Variants in B4GALT4 observed in about 807,000 individuals in gnomAD.
The protein encoded by B4GALT4 is N-acetyllactosamine synthase.
A neutral mutation model predicts 37.3 loss-of-function variants in B4GALT4; 27 were observed. The observed-to-expected ratio is 0.72, with a 90% CI of 0.53 to 1.00. B4GALT4 has a LOEUF of 1.00. Among genes scored for constraint, B4GALT4 ranks in the 50% least tolerant of loss-of-function variants. The pLI is 0.00. For synonymous variants in B4GALT4, 148 were observed against 154.1 expected (o/e 0.96, Z 0.29); for missense variants, 372 against 413.1 (o/e 0.90, Z 0.86).
rs781671415 is a variant in B4GALT4, at chr3:119,230,088, G to A, written c.12C>T (p.Asn4=). 4 of 1,614,038 alleles carry A rather than the reference G, an allele frequency of 2.5e-6. No homozygotes were observed. Among genetic ancestry groups the A allele is most frequent in the Admixed American group, 1.7e-5 (1 of 60,018 alleles). The part of the protein sequence containing the change: MGF[N]LTFHLSYKFR... The stretch of plus-strand genomic sequence containing the variant: ...ATTTGTAGGAAAGGTGGAAAGTCAG[G>A]TTGAAGCCCATGTTTTTTATTACGT... The change falls in exon 3 of 8, where the codon AAC becomes AAT. Residue 4 remains asparagine, a synonymous_variant. Transcript: ENST00000393765.
intron 2 of B4GALT4, chr3:119,232,943 G>T (rs1354088864): frequency 2.0e-5 from 3 of 152,208 alleles, no homozygotes; most frequent in Non-Finnish European, 2.9e-5. Flanking sequence ...AAGCAGCTGG[G>T]ATTACAGGCG....
intron 3 of B4GALT4, among the ~76,000 whole-genome samples, chr3:119,227,950 G>A (rs16829569): frequency 0.061 from 9,328 of 152,206 alleles, 421 homozygotes; most frequent in Admixed American, 0.15. Context: ...CAGCAGGCAA[G>A]GTAAGTAACT....
intron 4 of B4GALT4, among the ~76,000 whole-genome samples, chr3:119,225,905 G>A (rs1420079204): frequency 6.6e-6 from 1 of 151,926 alleles, no homozygotes; most frequent in Admixed American, 6.6e-5. Context: ...TGCTATATAA[G>A]CACACTGATT....
intron 4 of B4GALT4, among the ~76,000 whole-genome samples, chr3:119,225,783 A>C (rs1214209233): frequency 1.3e-5 from 2 of 152,186 alleles, no homozygotes; most frequent in African/African-American, 4.8e-5. Flanking sequence ...CTGAGCAAGA[A>C]CTCAGAATCA....
chr3:119,236,415 T>C (rs1422856838), intron 2 of B4GALT4, among the ~76,000 whole-genome samples: 1 of 152,184 alleles, frequency 6.6e-6, no homozygotes, highest in African/African-American at 2.4e-5. Flanking sequence ...AAGGGGTTAA[T>C]ATTAGGGGAA....
intron 5 of B4GALT4, 124 bp from the exon 6 acceptor site, chr3:119,218,896 T>C: frequency 8.7e-7 from 1 of 1,146,172 alleles, no homozygotes. Flanking sequence ...CTGCTTCTCC[T>C]GCTTGACACC....
chr3:119,230,374 G>T, intron 2 of B4GALT4, 130 bp from the exon 3 acceptor site: 3 of 420,032 alleles, frequency 7.1e-6, no homozygotes, highest in South Asian at 6.5e-5. Context: ...CTTCCACTTA[G>T]CATTTAGAGA....
At chr3:119,234,316 C>T (rs1294464558) in intron 2 of B4GALT4, among the ~76,000 whole-genome samples, 1 of 152,128 alleles carries the variant, frequency 6.6e-6, no homozygotes, top group Non-Finnish European at 1.5e-5. Flanking sequence ...GACAGAGTTT[C>T]ACCATGTTGG....
chr3:119,216,163 G>A (rs2078283815), intron 7 of B4GALT4, 77 bp downstream of exon 7: 1 of 1,197,634 alleles, frequency 8.3e-7, no homozygotes, highest in Admixed American at 2.6e-5. Context: ...GCTCAAATCT[G>A]ATCGAATTCA....
chr3:119,227,007 G>A lies in B4GALT4; in HGVS notation c.288C>T (p.Leu96=). 1 of 1,614,182 alleles carries A rather than the reference G, an allele frequency of 6.2e-7. No individual in the cohort carries two copies. Among genetic ancestry groups the A allele is most frequent in the African/African-American group, 1.3e-5 (1 of 75,044 alleles). Residue 96 remains leucine (L), a synonymous_variant, in exon 4 of 8, where the codon CTC becomes CTT. Coordinates refer to ENST00000393765, the MANE Select transcript of B4GALT4 (RefSeq NM_003778.4). The part of the protein sequence containing the change: ...GQSKLIFKPD[L]TLEEVQAENP... ...TTTCTGCCTGTACCTCTTCCAAAGT[G>A]AGATCTGGTTTGAAAATGAGCTTGC...
Position 119,224,109 on chromosome 3 carries a change from C to A in B4GALT4, c.623G>T (p.Cys208Phe), listed in dbSNP as rs138943942. The A allele has an allele frequency of 2.1e-4, 331 of 1,614,134 alleles. No homozygotes were observed. The highest frequency in any genetic ancestry group is 2.6e-4 in the Non-Finnish European group (308 of 1,180,028). ...CACCAGATGCTTGGGATGCTCCTCACACTTGTAAAGGTTAAAGTCATTCTC... is the reference window on the plus strand; with the variant it reads ...CACCAGATGCTTGGGATGCTCCTCAAACTTGTAAAGGTTAAAGTCATTCTC... The part of the protein sequence containing the change: ...VPENDFNLYK[C>F]EEHPKHLVVG... The change falls in exon 5 of 8, where the codon TGT becomes TTT. Residue 208 changes from cysteine to phenylalanine, a missense_variant. Coordinates refer to ENST00000393765, the MANE Select transcript of B4GALT4 (RefSeq NM_003778.4).
intron 5 of B4GALT4, among the ~76,000 whole-genome samples, 192 bp from the exon 6 acceptor site, chr3:119,218,964 C>T (rs529586031): frequency 9.2e-5 from 14 of 152,132 alleles, no homozygotes; most frequent in Admixed American, 2.6e-4. Context: ...TCTAGACAAA[C>T]GCTCACCTCT....
intron 2 of B4GALT4, among the ~76,000 whole-genome samples, chr3:119,233,402 G>A (rs764492171): frequency 3.3e-5 from 5 of 152,192 alleles, no homozygotes; most frequent in Middle Eastern, 3.4e-3. Context: ...TGAACTGCAC[G>A]GCTCCACTTA....
chr3:119,239,029 G>T (rs879330875), intron 1 of B4GALT4, among the ~76,000 whole-genome samples: 1 of 152,168 alleles, frequency 6.6e-6, no homozygotes, highest in Non-Finnish European at 1.5e-5. Context: ...GCCTGAAGTG[G>T]AGTCAAGAAA....
Position 119,226,990 on chromosome 3 carries a change from T to G in B4GALT4, c.305A>C (p.Gln102Pro). Residue 102 changes from glutamine to proline, a missense_variant, in exon 4 of 8, where the codon CAG becomes CCG. Transcript: ENST00000393765. ...TCTGGACACTTTGGGATTTTCTGCCTGTACCTCTTCCAAAGTGAGATCTGG... is the reference window on the plus strand; with the variant it reads ...TCTGGACACTTTGGGATTTTCTGCCGGTACCTCTTCCAAAGTGAGATCTGG... ...FKPDLTLEEV[Q>P]AENPKVSRGR... 1 of 1,614,208 alleles carries G rather than the reference T, an allele frequency of 6.2e-7. No individual in the cohort carries two copies. The highest frequency in any genetic ancestry group is 8.5e-7 in the Non-Finnish European group (1 of 1,180,024).
intron 6 of B4GALT4, 85 bp from the exon 7 acceptor site, chr3:119,216,429 TACACACACACGC>T (rs557820403): frequency 4.4e-5 from 26 of 595,666 alleles, no homozygotes; most frequent in Non-Finnish European, 6.6e-5. Context: ...CGAAAATTTA[TACACACACACGC>T]ACATACACAC....
chr3:119,233,908 T>C (rs976073030), intron 2 of B4GALT4, among the ~76,000 whole-genome samples: 8 of 152,220 alleles, frequency 5.3e-5, no homozygotes, highest in African/African-American at 1.9e-4. Flanking sequence ...CTCCTGTGAG[T>C]AAACATCTGA....
At chr3:119,227,344 A>G (rs2078655329) in intron 3 of B4GALT4, among the ~76,000 whole-genome samples, 1 of 152,214 alleles carries the variant, frequency 6.6e-6, no homozygotes, top group Admixed American at 6.5e-5. Context: ...GAACTCTGGT[A>G]AGAGCAAAGG....
chr3:119,225,254 T>G (rs1281198985), intron 4 of B4GALT4, among the ~76,000 whole-genome samples: 2 of 152,338 alleles, frequency 1.3e-5, no homozygotes, highest in Middle Eastern at 3.4e-3. Flanking sequence ...TAAATAATTT[T>G]TTCATGGCTG....
Sources: allele counts gnomAD v4.1 joint callset (sites outside exome capture counted in the v4.1 genomes callset), GRCh38; gene constraint gnomAD v4.1.1; transcripts MANE v1.5; gene names NCBI Gene and HGNC (gene_info 2026-07-23, HGNC 2026-07-21).